The following CYFIP2 variants were observed in gnomAD, a reference collection of about 807,000 sequenced individuals.
The protein encoded by CYFIP2 is cytoplasmic FMR1-interacting protein 2.
A neutral mutation model predicts 158.7 loss-of-function variants in CYFIP2; 29 were observed. The observed-to-expected ratio is 0.18, with a 90% CI of 0.14 to 0.25. The LOEUF (loss-of-function observed/expected upper bound fraction) is 0.25. Among genes scored for constraint, CYFIP2 ranks in the 10% least tolerant of loss-of-function variants. The pLI is 1.00. For missense variants in CYFIP2, 852 were observed against 1,639.5 expected (o/e 0.52, Z 8.29); for synonymous variants, 585 against 617.6 (o/e 0.95, Z 0.78).
rs1371278978 is a variant in CYFIP2, at chr5:157,342,998, A to T, written c.2673+1841A>T. ...GGAGTTCTTGCGTGGCATTTCCACC[A>T]GGGGGAGCCCCTGCAGGTCTTCCTC... On this transcript the variant is annotated intron_variant, in intron 23 of 30. Coordinates refer to ENST00000620254, the MANE Select transcript of CYFIP2 (RefSeq NM_001037333.3). 7 of 1,614,084 alleles carry T rather than the reference A, an allele frequency of 4.3e-6. No homozygotes were observed. Among genetic ancestry groups the T allele is most frequent in the Non-Finnish European group, 5.1e-6 (6 of 1,180,042 alleles).
At chr5:157,332,174 T>A (rs1015358379) in intron 20 of CYFIP2, among the ~76,000 whole-genome samples, 1 of 152,198 alleles carries the variant, frequency 6.6e-6, no homozygotes, top group African/African-American at 2.4e-5. Context: ...ACCCTGAACC[T>A]CTTCCCACAG....
chr5:157,299,251 G>A (rs73302183), intron 5 of CYFIP2, among the ~76,000 whole-genome samples: 2,969 of 152,124 alleles, frequency 0.02, 103 homozygotes, highest in African/African-American at 0.069. Flanking sequence ...CCCAGCTCAA[G>A]CATTGTCCAA....
chr5:157,281,259 A>G (rs1756965908), intron 1 of CYFIP2, among the ~76,000 whole-genome samples: 1 of 152,152 alleles, frequency 6.6e-6, no homozygotes, highest in South Asian at 2.1e-4. Context: ...TAAGCACATA[A>G]TATCTGATTG....
chr5:157,285,217 G>A (rs1757280885), intron 1 of CYFIP2, 122 bp from the exon 2 acceptor site: 2 of 642,062 alleles, frequency 3.1e-6, no homozygotes, highest in Non-Finnish European at 2.8e-6. Flanking sequence ...GTGGTGAGTG[G>A]AAGTGGCCTC....
At chr5:157,367,560 C>G (rs1164488109) in intron 26 of CYFIP2, among the ~76,000 whole-genome samples, 1 of 152,174 alleles carries the variant, frequency 6.6e-6, no homozygotes. Context: ...CCCAGCTGAG[C>G]TTTGCCGATT....
At chr5:157,269,018 G>T (rs560814150) in intron 1 of CYFIP2, among the ~76,000 whole-genome samples, 2 of 152,252 alleles carry the variant, frequency 1.3e-5, no homozygotes, top group South Asian at 4.1e-4. Flanking sequence ...TGTATTTATT[G>T]TTATAATGTA....
chr5:157,327,561 T>A (rs1761121981), intron 18 of CYFIP2, among the ~76,000 whole-genome samples: 1 of 125,564 alleles, frequency 8.0e-6, no homozygotes, highest in Admixed American at 7.1e-5. Context: ...CAAGACTCTG[T>A]CTCAAAAAAA....
At chr5:157,285,912 G>A (rs1757338366) in intron 2 of CYFIP2, among the ~76,000 whole-genome samples, 1 of 152,192 alleles carries the variant, frequency 6.6e-6, no homozygotes, top group South Asian at 2.1e-4. Flanking sequence ...GTTTGCTTTT[G>A]CCTAAGAGAG....
chr5:157,338,388 C>T (rs535230259), intron 21 of CYFIP2, among the ~76,000 whole-genome samples: 6 of 152,346 alleles, frequency 3.9e-5, no homozygotes, highest in Middle Eastern at 3.4e-3. Context: ...TCTGCTCCCA[C>T]CTCTTTTTAA....
chr5:157,276,190 A>C (rs1322625160), intron 1 of CYFIP2, among the ~76,000 whole-genome samples: 1 of 152,248 alleles, frequency 6.6e-6, no homozygotes, highest in African/African-American at 2.4e-5. Context: ...AATGTTGAAT[A>C]GAAATGCTAA....
chr5:157,334,940 C>T (rs1353815078), intron 21 of CYFIP2, among the ~76,000 whole-genome samples: 1 of 152,168 alleles, frequency 6.6e-6, no homozygotes, highest in South Asian at 2.1e-4. Flanking sequence ...ACTATGGTTC[C>T]GCCAGATGTT....
chr5:157,384,629 T>C, intron 28 of CYFIP2: 1 of 406,498 alleles, frequency 2.5e-6, no homozygotes, highest in South Asian at 1.7e-5. Flanking sequence ...AACCTCCTTC[T>C]GAAAATGGTG....
At chr5:157,299,393 C>T (rs572469768) in intron 5 of CYFIP2, among the ~76,000 whole-genome samples, 1 of 152,318 alleles carries the variant, frequency 6.6e-6, no homozygotes, top group Admixed American at 6.5e-5. Flanking sequence ...GGCCTTCACA[C>T]TGACCATTGA....
intron 3 of CYFIP2, among the ~76,000 whole-genome samples, chr5:157,290,132 T>C (rs776698166): frequency 3.2e-4 from 48 of 152,078 alleles, no homozygotes; most frequent in Non-Finnish European, 5.9e-4. Context: ...AGGGGTTAGG[T>C]TGGAGAGTGA....
intron 26 of CYFIP2, among the ~76,000 whole-genome samples, chr5:157,377,125 A>G (rs1461733071): frequency 1.3e-5 from 2 of 150,614 alleles, no homozygotes; most frequent in Admixed American, 6.6e-5. Context: ...GACTCTTCCA[A>G]CACCCCCTTT....
intron 13 of CYFIP2, among the ~76,000 whole-genome samples, chr5:157,317,658 A>G (rs1210512850): frequency 1.3e-5 from 2 of 152,242 alleles, no homozygotes; most frequent in African/African-American, 2.4e-5. Flanking sequence ...ACTGTTGTCC[A>G]TCACTGAGCC....
chr5:157,292,159 G>A (rs1268546951), intron 3 of CYFIP2, among the ~76,000 whole-genome samples: 1 of 151,156 alleles, frequency 6.6e-6, no homozygotes, highest in Non-Finnish European at 1.5e-5. Flanking sequence ...TTTGTGTCTG[G>A]CTTCTTTTAC....
chr5:157,361,742 T>C lies in CYFIP2; in HGVS notation c.3039+144T>C. ...TTTTCAGTTCATTTCCAGACAGACA[T>C]GGATTCTAGTCCTGGCTCCCCCATT... On this transcript the variant is annotated intron_variant, in intron 26 of 30. Transcript: ENST00000620254. The surrounding 1 kb of genome is among the most constrained non-coding windows in gnomAD (Gnocchi z 4.4). The C allele has an allele frequency of 9.3e-7, 1 of 1,071,322 alleles. No homozygotes were observed. The highest frequency in any genetic ancestry group is 1.3e-6 in the Non-Finnish European group (1 of 757,582). The allele number at this position is 1,071,322 out of a possible 1,614,324, so 66.4% of individuals were successfully genotyped here. A position where few individuals can be genotyped will look rare whatever the true frequency, so the allele number is the denominator to read the frequency against.
intron 1 of CYFIP2, among the ~76,000 whole-genome samples, chr5:157,280,411 A>G (rs1243899035): frequency 6.8e-6 from 1 of 146,930 alleles, no homozygotes; most frequent in African/African-American, 2.5e-5. Context: ...TTTCTACTAA[A>G]GAAAAATTGA....
Sources: gnomAD v4.1 joint callset for allele counts (sites outside exome capture counted in the v4.1 genomes callset) on GRCh38, gnomAD v4.1.1 for gene constraint, Gnocchi (gnomAD v3.1) non-coding constraint, MANE v1.5 for transcripts, NCBI Gene and HGNC (gene_info 2026-07-23, HGNC 2026-07-21) for gene names.